PICALM: variants seen among roughly 807,000 people sequenced by gnomAD.
The protein encoded by PICALM is phosphatidylinositol-binding clathrin assembly protein.
A neutral mutation model predicts 80.5 loss-of-function variants in PICALM; 40 were observed. The ratio of observed to expected loss-of-function variants is 0.50; its 90% CI spans 0.39 to 0.65. The LOEUF is 0.65. PICALM is among the 30% of genes least tolerant of loss of function. The pLI, the probability that PICALM is intolerant of heterozygous loss-of-function variation, is 0.00. For synonymous variants in PICALM, 288 were observed against 260.3 expected (o/e 1.11, Z -1.02); for missense variants, 676 against 778.9 (o/e 0.87, Z 1.57).
At chr11:86,057,329 A>C (rs1336548206) in intron 1 of PICALM, among the ~76,000 whole-genome samples, 1 of 152,198 alleles carries the variant, frequency 6.6e-6, no homozygotes. Context: ...TCACGAGGTC[A>C]GGAGTTTGAG....
intron 1 of PICALM, among the ~76,000 whole-genome samples, chr11:86,053,713 G>A (rs2096227924): frequency 1.3e-5 from 2 of 152,044 alleles, no homozygotes; most frequent in African/African-American, 4.8e-5. Flanking sequence ...GACTACAGGT[G>A]TGTGCCACCA....
intron 16 of PICALM, 40 bp downstream of exon 16, chr11:85,981,705 A>T: frequency 6.6e-7 from 1 of 1,505,246 alleles, no homozygotes; most frequent in Non-Finnish European, 9.2e-7. Context: ...AAAACACTAA[A>T]TAACACACGG....
intron 4 of PICALM, among the ~76,000 whole-genome samples, chr11:86,018,896 A>G (rs2095522105): frequency 2.0e-5 from 1 of 49,082 alleles, no homozygotes; most frequent in Non-Finnish European, 4.2e-5. Context: ...CTTAAAAAAA[A>G]AAAAGAAAAA....
At chr11:86,013,470 T>C (rs1479091165) in intron 5 of PICALM, among the ~76,000 whole-genome samples, 1 of 151,866 alleles carries the variant, frequency 6.6e-6, no homozygotes, top group East Asian at 1.9e-4. Context: ...CCTATTGAAA[T>C]AGGTTTACAA....
intron 19 of PICALM, among the ~76,000 whole-genome samples, chr11:85,972,111 T>C (rs1186905809): frequency 1.3e-5 from 2 of 152,038 alleles, no homozygotes. Context: ...GGTAGATTTT[T>C]GCCAACATTA....
rs148845189 is a variant in PICALM at position 86,052,811 on chromosome 11, A to G, written c.130+15840T>C. 1.6e-4 allele frequency among the ~76,000 whole-genome samples: 25 copies of G among 152,292 alleles called. No individual in the cohort carries two copies. In the East Asian group the frequency reaches 3.3e-3, roughly 20 times the overall value. On this transcript the variant is annotated intron_variant, in intron 1 of 19. Coordinates refer to ENST00000393346, the MANE Select transcript of PICALM (RefSeq NM_007166.4). ...CTCCCTTCACAATCTAGCCTCAGAC[A>G]ATTGCTCCGACTGTATTTCTCATTG... is the stretch of plus-strand genomic sequence containing the variant.
At chr11:86,007,365 A>G (rs1278073928) in intron 8 of PICALM, 177 bp downstream of exon 8, 2 of 414,910 alleles carry the variant, frequency 4.8e-6, no homozygotes, top group Non-Finnish European at 9.1e-6. Context: ...AGTGGTAAGC[A>G]GATCATTTTA....
chr11:85,960,135 T>C (rs2093640071), intron 19 of PICALM, among the ~76,000 whole-genome samples: 1 of 152,200 alleles, frequency 6.6e-6, no homozygotes, highest in South Asian at 2.1e-4. Context: ...GCCATAAAAA[T>C]ATTTTTCAAT....
chr11:85,982,504 T>C (rs1332895626), intron 14 of PICALM, among the ~76,000 whole-genome samples: 1 of 132,800 alleles, frequency 7.5e-6, no homozygotes, highest in East Asian at 2.3e-4. Context: ...CTCGGCTCAC[T>C]GCAAGCTCCA....
Position 86,068,881 on chromosome 11 carries a change from A to G in PICALM, c.-101T>C. On this transcript the variant is annotated 5_prime_UTR_variant, in exon 1 of 20. Coordinates refer to ENST00000393346, the MANE Select transcript of PICALM (RefSeq NM_007166.4). ...ACCCCCCACCGCACCCCCTACCCCC[A>G]CCGGCTCCTTCCCCGCCTGCCGGCC... 7.5e-7 allele frequency: 1 copy of G among 1,327,204 alleles called. No homozygotes were observed. The highest frequency in any genetic ancestry group is 1.5e-5 in the South Asian group (1 of 64,604). 82.2% of individuals were successfully genotyped at this position (1,327,204 alleles called of 1,614,324 possible). A position where few individuals can be genotyped will look rare whatever the true frequency, so the allele number is the denominator to read the frequency against.
intron 1 of PICALM, among the ~76,000 whole-genome samples, chr11:86,059,394 T>A (rs2096320545): frequency 6.6e-6 from 1 of 152,148 alleles, no homozygotes; most frequent in Non-Finnish European, 1.5e-5. Flanking sequence ...TATTTGAAAC[T>A]CTATAAATGG....
In PICALM at chr11:86,039,816, A is replaced by C. The variant is rs567401638; in HGVS notation, c.131-8205T>G. Among the ~76,000 whole-genome samples, 5 of 151,972 alleles carry C rather than the reference A, an allele frequency of 3.3e-5. No homozygotes were observed. In the South Asian group the frequency reaches 1.0e-3, roughly 32 times the overall value. ...CAGGAGAGCGAGACCATCCTGGCTA[A>C]CACGGTGAAATCCCATCTCTACTAA... On this transcript the variant is annotated intron_variant, in intron 1 of 19. Coordinates refer to ENST00000393346, the MANE Select transcript of PICALM (RefSeq NM_007166.4).
intron 7 of PICALM, among the ~76,000 whole-genome samples, chr11:86,008,489 A>G (rs2095323453): frequency 6.6e-6 from 1 of 152,018 alleles, no homozygotes; most frequent in Non-Finnish European, 1.5e-5. Context: ...GCATGGTGGC[A>G]GGCACCTGTA....
chr11:86,037,519 A>C (rs1231922018), intron 1 of PICALM, among the ~76,000 whole-genome samples: 1 of 150,590 alleles, frequency 6.6e-6, no homozygotes. Context: ...CGGCCTCCCA[A>C]AGTGCTGGGA....
intron 3 of PICALM, among the ~76,000 whole-genome samples, 165 bp from the exon 4 acceptor site, chr11:86,022,634 A>C (rs1185936241): frequency 6.6e-6 from 1 of 152,138 alleles, no homozygotes; most frequent in Non-Finnish European, 1.5e-5. Flanking sequence ...CTAATTAATA[A>C]CATTACCATT....
chr11:86,007,364 C>A, intron 8 of PICALM, 178 bp downstream of exon 8: 1 of 408,100 alleles, frequency 2.5e-6, no homozygotes, highest in Non-Finnish European at 4.7e-6. Context: ...AAGTGGTAAG[C>A]AGATCATTTT....
At chr11:85,974,284 T>C (rs565338584) in intron 19 of PICALM, among the ~76,000 whole-genome samples, 3 of 152,312 alleles carry the variant, frequency 2.0e-5, no homozygotes, top group Admixed American at 1.3e-4. Context: ...TCAAAACTTT[T>C]TGGAGAGTTG....
rs1200845510 is a variant in PICALM at position 85,957,403 on chromosome 11, C to T, written c.*1643G>A. Among the ~76,000 whole-genome samples the T allele has an allele frequency of 2.0e-5, 3 of 152,244 alleles. No homozygotes were observed. The highest frequency in any genetic ancestry group is 1.9e-4 in the East Asian group (1 of 5,180). ...TTATATGTACCAAAACATTAAACTG[C>T]GTATTTTCCCTTAAACTTACCTGAC... On this transcript the variant is annotated 3_prime_UTR_variant, in exon 20 of 20. Coordinates refer to ENST00000393346, the MANE Select transcript of PICALM (RefSeq NM_007166.4).
rs755758049 is a variant in PICALM at position 85,990,239 on chromosome 11, T to C, written c.1408+11A>G. The C allele has an allele frequency of 1.9e-6, 3 of 1,547,620 alleles. No individual in the cohort carries two copies. In the East Asian group the frequency reaches 6.8e-5, roughly 35 times the overall value. ...ACATTGATTGGAAAAAAAGGTTAAA[T>C]GGTACTTTACCAACAAACATTTCAT... On this transcript the variant is annotated intron_variant, in intron 13 of 19. Coordinates refer to ENST00000393346, the MANE Select transcript of PICALM (RefSeq NM_007166.4).
Sources: gnomAD v4.1 joint callset for allele counts (sites outside exome capture counted in the v4.1 genomes callset) on GRCh38, gnomAD v4.1.1 for gene constraint, MANE v1.5 for transcripts, NCBI Gene and HGNC (gene_info 2026-07-23, HGNC 2026-07-21) for gene names.